SHANK2: variants seen among roughly 807,000 people sequenced by gnomAD.
SHANK2 encodes SH3 and multiple ankyrin repeat domains 2.
SHANK2 carries 43 observed loss-of-function variants against 133.7 expected under a neutral mutation model. That is an observed-to-expected ratio of 0.32 (90% CI 0.25 to 0.41). The LOEUF (loss-of-function observed/expected upper bound fraction) is 0.41, where lower values mean the gene tolerates loss of function less well. Among genes scored for constraint, SHANK2 ranks in the 10% least tolerant of loss-of-function variants. The pLI is 1.00. For missense variants in SHANK2, 1,994 were observed against 2,235.8 expected, an observed-to-expected ratio of 0.89 and a Z score of 2.18; for synonymous variants, 1,017 against 952.8, an observed-to-expected ratio of 1.07 and a Z score of -1.24.
At chr11:71,152,022 C>G (rs546941170) in intron 2 of SHANK2, among the ~76,000 whole-genome samples, 1 of 152,280 alleles carries the variant, frequency 6.6e-6, no homozygotes, top group Non-Finnish European at 1.5e-5. Context: ...TAGGTAGGAA[C>G]GCAGGTCTGG....
intron 1 of SHANK2, among the ~76,000 whole-genome samples, chr11:71,244,477 A>T (rs1954935949): frequency 6.6e-6 from 1 of 152,256 alleles, no homozygotes; most frequent in South Asian, 2.1e-4. Context: ...CCCGGGAACC[A>T]GCCTATTCGA....
intron 1 of SHANK2, among the ~76,000 whole-genome samples, chr11:71,249,121 C>A (rs1024264932): frequency 6.6e-6 from 1 of 152,132 alleles, no homozygotes; most frequent in Admixed American, 6.5e-5. Context: ...TCACTTAGCC[C>A]TGGGGGGCTG....
At chr11:71,168,051 G>GCTC (rs1375292958) in intron 2 of SHANK2, among the ~76,000 whole-genome samples, 1 of 141,586 alleles carries the variant, frequency 7.1e-6, no homozygotes, top group Non-Finnish European at 1.6e-5. Context: ...AGGCGGAGGG[G>GCTC]CTCCTCACTT....
intron 1 of SHANK2, chr11:71,226,443 C>T (rs572492854): frequency 9.5e-4 from 145 of 152,292 alleles, no homozygotes; most frequent in African/African-American, 3.3e-3. Flanking sequence ...CCTACAGATT[C>T]CAGAAGCTGA....
intron 20 of SHANK2, 68 bp downstream of exon 20, chr11:70,501,855 G>A (rs2059058239): frequency 6.6e-7 from 1 of 1,513,662 alleles, no homozygotes; most frequent in Non-Finnish European, 9.0e-7. Context: ...CTGGGCTGAG[G>A]TGGATGTCAG....
intron 15 of SHANK2, among the ~76,000 whole-genome samples, chr11:70,680,240 T>C (rs7940843): frequency 0.58 from 88,512 of 152,094 alleles, 26,116 homozygotes; most frequent in Non-Finnish European, 0.63. Flanking sequence ...ATGCATTGAA[T>C]GCTTGCAAGC....
At chr11:71,200,829 A>AACAC (rs1181515704) in intron 2 of SHANK2, among the ~76,000 whole-genome samples, 1 of 111,962 alleles carries the variant, frequency 8.9e-6, no homozygotes, top group East Asian at 2.9e-4. Context: ...AGTCTCAATT[A>AACAC]ATACACACAC....
At chr11:70,819,342 G>A (rs1555055222) in intron 12 of SHANK2, among the ~76,000 whole-genome samples, 1 of 152,242 alleles carries the variant, frequency 6.6e-6, no homozygotes, top group Admixed American at 6.5e-5. Context: ...TGGAGCAGCT[G>A]TACCCATGAG....
intron 14 of SHANK2, among the ~76,000 whole-genome samples, chr11:70,741,020 TCATC>T (rs1363617978): frequency 6.6e-6 from 1 of 152,158 alleles, no homozygotes; most frequent in African/African-American, 2.4e-5. Context: ...GCTTAACTGT[TCATC>T]CATTCAACTT....
At chr11:71,167,500 C>G (rs1444301134) in intron 2 of SHANK2, among the ~76,000 whole-genome samples, 4 of 132,960 alleles carry the variant, frequency 3.0e-5, no homozygotes, top group Non-Finnish European at 1.6e-5. Context: ...CGGGCAGAGG[C>G]GCCCCTCACC....
chr11:70,586,445 G>C (rs1258961219), intron 17 of SHANK2, among the ~76,000 whole-genome samples: 2 of 152,166 alleles, frequency 1.3e-5, no homozygotes, highest in African/African-American at 4.8e-5. Context: ...CTCTTAAGGC[G>C]TGGCCGGGGC....
chr11:70,923,483 C>T (rs1950379654), intron 10 of SHANK2, among the ~76,000 whole-genome samples: 1 of 152,098 alleles, frequency 6.6e-6, no homozygotes, highest in African/African-American at 2.4e-5. Flanking sequence ...CTCAAGTGAT[C>T]CGCCCGTCTC....
chr11:70,752,674 C>T (rs1946777492), intron 14 of SHANK2, among the ~76,000 whole-genome samples: 1 of 132,080 alleles, frequency 7.6e-6, no homozygotes, highest in South Asian at 2.4e-4. Context: ...CCACTGCACT[C>T]CAGCCTGGGT....
intron 1 of SHANK2, among the ~76,000 whole-genome samples, chr11:71,251,277 G>A (rs1311856499): frequency 2.0e-5 from 3 of 152,186 alleles, no homozygotes; most frequent in Non-Finnish European, 4.4e-5. Flanking sequence ...CCTCGAGCAG[G>A]GTGTCCGCAC....
At chr11:70,564,584 C>G (rs1240431403) in intron 17 of SHANK2, among the ~76,000 whole-genome samples, 1 of 152,130 alleles carries the variant, frequency 6.6e-6, no homozygotes, top group Non-Finnish European at 1.5e-5. Flanking sequence ...CTCCCCTCCC[C>G]CTACAATCGC....
intron 9 of SHANK2, among the ~76,000 whole-genome samples, chr11:71,064,992 C>T (rs1030839461): frequency 6.6e-6 from 1 of 152,070 alleles, no homozygotes; most frequent in African/African-American, 2.4e-5. Context: ...GAGGTCACCT[C>T]GGGAGTCACT....
At chr11:71,228,742 G>A (rs1954685782) in intron 1 of SHANK2, among the ~76,000 whole-genome samples, 1 of 152,150 alleles carries the variant, frequency 6.6e-6, no homozygotes, top group Admixed American at 6.6e-5. Flanking sequence ...TGGGCGACAA[G>A]AGTAAGACTC....
chr11:71,096,175 GA>G (rs1298944462), intron 6 of SHANK2, among the ~76,000 whole-genome samples: 4 of 152,240 alleles, frequency 2.6e-5, no homozygotes, highest in Non-Finnish European at 4.4e-5. Flanking sequence ...ATGTTCTCAT[GA>G]ATGAATGCCA....
chr11:70,521,657 CGTGAGCATGTGTGTGGGTGAGT>C (rs539087534), intron 17 of SHANK2, among the ~76,000 whole-genome samples: 86 of 152,252 alleles, frequency 5.6e-4, no homozygotes, highest in African/African-American at 1.7e-3. Context: ...TGTGTGTGCA[CGTGAGCATGTGTGTGGGTGAGT>C]GTGAGCATGT....
Sources: allele counts gnomAD v4.1 joint callset (sites outside exome capture counted in the v4.1 genomes callset), GRCh38; gene constraint gnomAD v4.1.1; transcripts MANE v1.5; gene names NCBI Gene and HGNC (gene_info 2026-07-23, HGNC 2026-07-21).